The following UGT1A10 variants were observed in gnomAD, a reference collection of about 807,000 sequenced individuals.
The protein encoded by UGT1A10 is UDP-glucuronosyltransferase 1A10.
A neutral mutation model predicts 45.8 loss-of-function variants in UGT1A10; 49 were observed. The ratio of observed to expected loss-of-function variants is 1.07; its 90% CI spans 0.85 to 1.36. The LOEUF (loss-of-function observed/expected upper bound fraction) is 1.36. Among genes scored for constraint, UGT1A10 ranks in the 40% most tolerant of loss-of-function variants. The probability of loss-of-function intolerance (pLI) is 0.00; values close to 1 mark genes in which losing one functional copy is unlikely to be tolerated. For synonymous variants in UGT1A10, 284 were observed against 249.7 expected, an observed-to-expected ratio of 1.14 and a Z score of -1.29; for missense variants, 745 against 668.6, an observed-to-expected ratio of 1.11 and a Z score of -1.26.
chr2:233,744,546 A>G (rs6741669), intron 1 of UGT1A10, among the ~76,000 whole-genome samples: 82,767 of 151,282 alleles, frequency 0.55, 24,843 homozygotes, highest in African/African-American at 0.8. Flanking sequence ...AAATTTTATT[A>G]AGACAAAATG....
At chr2:233,678,013 T>G (rs1219955723) in intron 1 of UGT1A10, among the ~76,000 whole-genome samples, 1 of 152,138 alleles carries the variant, frequency 6.6e-6, no homozygotes, top group African/African-American at 2.4e-5. Context: ...TCATGTCCTT[T>G]GTAACAACAT....
intron 1 of UGT1A10, chr2:233,647,839 T>A: frequency 9.1e-7 from 1 of 1,103,036 alleles, no homozygotes; most frequent in South Asian, 1.6e-5. Context: ...CTAGCTTTGG[T>A]GTCATTGGTT....
At chr2:233,664,121 G>A (rs1441708633) in intron 1 of UGT1A10, among the ~76,000 whole-genome samples, 2 of 152,136 alleles carry the variant, frequency 1.3e-5, no homozygotes, top group Non-Finnish European at 2.9e-5. Flanking sequence ...GGCATAGCAA[G>A]GGTGACCTTT....
rs1691455910 is a variant in UGT1A10, at chr2:233,740,707, G to A, written c.856-26327G>A. Reference sequence around the variant, plus strand: ...GGTGTTCATTTTAGGGATTTCAAGAGGGTCATCTTTGCACCACAGGAAATG... The same window carrying A: ...GGTGTTCATTTTAGGGATTTCAAGAAGGTCATCTTTGCACCACAGGAAATG... On this transcript the variant is annotated intron_variant, in intron 1 of 4. Coordinates refer to ENST00000344644, the MANE Select transcript of UGT1A10 (RefSeq NM_019075.4). 1.3e-5 allele frequency: 2 copies of A among 151,744 alleles called. 1 individual carries two copies. Among genetic ancestry groups the A allele is most frequent in the African/African-American group, 4.9e-5 (2 of 41,032 alleles). 9.4% of individuals were successfully genotyped at this position (151,744 alleles called of 1,614,324 possible).
At chr2:233,705,462 GAC>G (rs1373100771) in intron 1 of UGT1A10, among the ~76,000 whole-genome samples, 2 of 152,176 alleles carry the variant, frequency 1.3e-5, no homozygotes, top group African/African-American at 2.4e-5. Flanking sequence ...TTTTTTAGCA[GAC>G]ACACATGAGG....
Position 233,769,622 on chromosome 2 carries a change from G to A in UGT1A10, c.1295+1183G>A, listed in dbSNP as rs926017310. 24 of 1,612,268 alleles carry A rather than the reference G, an allele frequency of 1.5e-5. No homozygotes were observed. Among genetic ancestry groups the A allele is most frequent in the Non-Finnish European group, 1.8e-5 (21 of 1,179,686 alleles). ...CACGGGGACACACCAGCTTGAGCAAGGGACAACAGGGGAGGACTGATGACT... is the reference window on the plus strand; with the variant it reads ...CACGGGGACACACCAGCTTGAGCAAAGGACAACAGGGGAGGACTGATGACT... On this transcript the variant is annotated intron_variant, in intron 4 of 4. Transcript: ENST00000344644. The surrounding 1 kb of genome is among the most constrained non-coding windows in gnomAD (Gnocchi z 4.4).
rs540404664 is a variant in UGT1A10 at position 233,696,296 on chromosome 2, G to A, written c.855+58919G>A. ...AAAGAAAACGTAGGACTGTAATATC[G>A]TGAAATATATATTTGGTCTTCATCC... On this transcript the variant is annotated intron_variant, in intron 1 of 4. Coordinates refer to ENST00000344644, the MANE Select transcript of UGT1A10 (RefSeq NM_019075.4). Among the ~76,000 whole-genome samples, 28 of 152,242 alleles carry A rather than the reference G, an allele frequency of 1.8e-4. No individual in the cohort carries two copies. The East Asian group carries it at 4.8e-3, about 26-fold the overall frequency.
At chr2:233,661,623 TTTTCTTTCTTTCTTTC>T (rs55749169) in intron 1 of UGT1A10, among the ~76,000 whole-genome samples, 1,693 of 124,016 alleles carry the variant, frequency 0.014, 35 homozygotes, top group Non-Finnish European at 0.016. Flanking sequence ...ACTTACTGAA[TTTTCTTTCTTTCTTTC>T]TTTCTTTCTT....
chr2:233,712,674 G>A (rs1441812759), intron 1 of UGT1A10, among the ~76,000 whole-genome samples: 2 of 152,212 alleles, frequency 1.3e-5, no homozygotes, highest in Admixed American at 6.5e-5. Flanking sequence ...GTAGGAGACA[G>A]TGACATGAAA....
intron 1 of UGT1A10, among the ~76,000 whole-genome samples, chr2:233,732,478 A>G (rs60103279): frequency 0.034 from 5,126 of 152,332 alleles, 101 homozygotes; most frequent in African/African-American, 0.051. Flanking sequence ...TCTGGAATTA[A>G]TTTTTGTATA....
chr2:233,765,357 A>T (rs1425075140), intron 1 of UGT1A10, among the ~76,000 whole-genome samples: 2 of 152,244 alleles, frequency 1.3e-5, no homozygotes, highest in Non-Finnish European at 2.9e-5. Context: ...GAACCAACCC[A>T]GATGCCCATC....
intron 1 of UGT1A10, among the ~76,000 whole-genome samples, chr2:233,665,806 T>C (rs1468421065): frequency 6.6e-6 from 1 of 151,970 alleles, no homozygotes. Flanking sequence ...TACCCAACAG[T>C]GGAGTAGTTG....
chr2:233,637,881 C>G (rs1206557944), intron 1 of UGT1A10, among the ~76,000 whole-genome samples: 2 of 152,058 alleles, frequency 1.3e-5, no homozygotes, highest in African/African-American at 2.4e-5. Flanking sequence ...CTTTATAGAG[C>G]AATACAGACA....
chr2:233,719,044 T>C (rs2076716677), intron 1 of UGT1A10: 2 of 1,614,154 alleles, frequency 1.2e-6, no homozygotes, highest in African/African-American at 1.3e-5. Flanking sequence ...GAGAAATTTT[T>C]CACCCTGACA....
intron 1 of UGT1A10, among the ~76,000 whole-genome samples, chr2:233,731,588 T>C (rs2078180230): frequency 6.6e-6 from 1 of 152,212 alleles, no homozygotes; most frequent in African/African-American, 2.4e-5. Flanking sequence ...TACAGCTTTG[T>C]CCATCTCCCT....
intron 1 of UGT1A10, chr2:233,747,125 G>A (rs1221297675): frequency 2.0e-6 from 3 of 1,497,444 alleles, no homozygotes; most frequent in Admixed American, 3.8e-5. Flanking sequence ...TTGCTAAGTG[G>A]CTCAGTGACA....
intron 1 of UGT1A10, chr2:233,693,716 A>G (rs758904923): frequency 1.2e-6 from 2 of 1,614,204 alleles, no homozygotes; most frequent in Non-Finnish European, 8.5e-7. Context: ...AGCTGTCCTC[A>G]AGAGAGATGT....
intron 1 of UGT1A10, chr2:233,721,930 C>A: frequency 2.6e-6 from 1 of 377,680 alleles, no homozygotes; most frequent in Non-Finnish European, 5.3e-6. Context: ...AAGTGACATC[C>A]TTCAGACACT....
At chr2:233,730,900 A>G (rs1224057230) in intron 1 of UGT1A10, among the ~76,000 whole-genome samples, 1 of 152,130 alleles carries the variant, frequency 6.6e-6, no homozygotes, top group Non-Finnish European at 1.5e-5. Context: ...CTACTCCTTT[A>G]CCAAAAATTT....
Sources: allele counts gnomAD v4.1 joint callset (sites outside exome capture counted in the v4.1 genomes callset), GRCh38; gene constraint gnomAD v4.1.1; non-coding constraint Gnocchi (gnomAD v3.1); transcripts MANE v1.5; gene names NCBI Gene and HGNC (gene_info 2026-07-23, HGNC 2026-07-21).